The following PMVK variants were observed in gnomAD, a reference collection of about 807,000 sequenced individuals.
PMVK encodes the protein testis tissue sperm-binding protein Li 95mP.
PMVK carries 10 observed loss-of-function variants against 19.0 expected under a neutral mutation model. That is an observed-to-expected ratio of 0.53 (90% CI 0.32 to 0.89). The LOEUF is 0.89. Ranked by LOEUF, PMVK falls within the 40% of genes least tolerant of loss-of-function variation. The pLI is 0.03. For synonymous variants in PMVK, 108 were observed against 101.6 expected, an observed-to-expected ratio of 1.06 and a Z score of -0.38; for missense variants, 222 against 251.1, an observed-to-expected ratio of 0.88 and a Z score of 0.78.
intron 1 of PMVK, 78 bp from the exon 2 acceptor site, chr1:154,932,493 G>T: frequency 1.0e-6 from 1 of 986,912 alleles, no homozygotes; most frequent in Non-Finnish European, 1.5e-6. Flanking sequence ...GAGTCAAGAG[G>T]CCTGTGTTGA....
upstream of PMVK, chr1:154,936,838 C>T (rs1174217845): frequency 4.6e-6 from 3 of 647,022 alleles, no homozygotes. Context: ...GCTGACCGCC[C>T]GCGACCGTGC....
chr1:154,937,089 C>T (rs1177790819), upstream of PMVK: 1 of 185,208 alleles, frequency 5.4e-6, no homozygotes. Context: ...TGAGGTGAAC[C>T]CCATGTTCCC....
At chr1:154,933,540 C>G (rs1201228324) in intron 1 of PMVK, among the ~76,000 whole-genome samples, 7 of 133,508 alleles carry the variant, frequency 5.2e-5, no homozygotes, top group African/African-American at 2.1e-4. Context: ...ACCACCCAGG[C>G]TGGAGTGCAA....
upstream of PMVK, among the ~76,000 whole-genome samples, chr1:154,941,377 G>A (rs1654635758): frequency 6.6e-6 from 1 of 152,186 alleles, no homozygotes; most frequent in Non-Finnish European, 1.5e-5. Flanking sequence ...TTAACAAGGG[G>A]CTTCTGTGGC....
chr1:154,929,402 G>A (rs1654269672), intron 2 of PMVK, among the ~76,000 whole-genome samples: 1 of 152,186 alleles, frequency 6.6e-6, no homozygotes, highest in East Asian at 1.9e-4. Context: ...TCCAGAAATT[G>A]TTTCAATTTG....
At chr1:154,935,058 CAAAAAAAAAAAAAAAAAA>C (rs569402578) in intron 1 of PMVK, among the ~76,000 whole-genome samples, 1 of 22,264 alleles carries the variant, frequency 4.5e-5, no homozygotes, top group Non-Finnish European at 1.3e-4. Context: ...GACTCCGTCT[CAAAAAAAAAAAAAAAAAA>C]AAAAAAAAAA....
At chr1:154,927,476 A>AC (rs1558029549) in intron 3 of PMVK, among the ~76,000 whole-genome samples, 12 of 143,914 alleles carry the variant, frequency 8.3e-5, no homozygotes, top group African/African-American at 3.3e-4. Flanking sequence ...AAAAAAAAAA[A>AC]CACAGGAAAG....
intron 3 of PMVK, among the ~76,000 whole-genome samples, chr1:154,927,341 G>A (rs923355147): frequency 1.3e-5 from 2 of 151,462 alleles, no homozygotes; most frequent in Admixed American, 6.6e-5. Flanking sequence ...CCAGCTACTC[G>A]GGAGGCTGAT....
At chr1:154,939,662 G>T (rs1393638367), upstream of PMVK, among the ~76,000 whole-genome samples, 1 of 147,080 alleles carries the variant, frequency 6.8e-6, no homozygotes, top group East Asian at 2.0e-4. Context: ...CAGAGATCAC[G>T]CCACTGCACT....
intron 3 of PMVK, among the ~76,000 whole-genome samples, chr1:154,928,253 C>T (rs1654229366): frequency 6.6e-6 from 1 of 152,304 alleles, no homozygotes; most frequent in South Asian, 2.1e-4. Context: ...GGTGGAAGGG[C>T]ATGTGCAAAG....
intron 1 of PMVK, among the ~76,000 whole-genome samples, chr1:154,933,732 T>C (rs902460656): frequency 1.7e-4 from 26 of 151,796 alleles, no homozygotes; most frequent in Non-Finnish European, 3.4e-4. Context: ...GATCTCGTGA[T>C]CCGCCCGCCT....
intron 2 of PMVK, among the ~76,000 whole-genome samples, chr1:154,930,852 T>C (rs1654313151): frequency 6.6e-6 from 1 of 152,148 alleles, no homozygotes; most frequent in Admixed American, 6.5e-5. Flanking sequence ...TGGGAGGCCA[T>C]AGTGGGAGGA....
chr1:154,940,777 A>G (rs1311094141), upstream of PMVK, among the ~76,000 whole-genome samples: 3 of 152,192 alleles, frequency 2.0e-5, no homozygotes, highest in African/African-American at 7.2e-5. Context: ...CATCTAGCAC[A>G]GTATTGAGAC....
chr1:154,934,396 A>G (rs896423337), intron 1 of PMVK, among the ~76,000 whole-genome samples: 1 of 152,094 alleles, frequency 6.6e-6, no homozygotes, highest in Non-Finnish European at 1.5e-5. Context: ...AGCTCACTAC[A>G]ATCTTGAACT....
upstream of PMVK, chr1:154,937,877 C>T (rs981130041): frequency 6.6e-6 from 1 of 151,698 alleles, no homozygotes; most frequent in Non-Finnish European, 1.5e-5. Context: ...ACCCAGAAAA[C>T]ACTGCACTCA....
chr1:154,929,593 T>C (rs1466277867), intron 2 of PMVK, among the ~76,000 whole-genome samples: 5 of 152,084 alleles, frequency 3.3e-5, no homozygotes, highest in African/African-American at 4.8e-5. Flanking sequence ...TAGCATTGTT[T>C]GCCCCCATCC....
the PMVK span, among the ~76,000 whole-genome samples, chr1:154,942,428 C>T: frequency 6.6e-6 from 1 of 152,220 alleles, no homozygotes; most frequent in Non-Finnish European, 1.5e-5. Context: ...ACCCTGGGCT[C>T]CTCCTCACCA....
At chr1:154,931,848 A>T (rs1040879077) in intron 2 of PMVK, among the ~76,000 whole-genome samples, 1 of 150,276 alleles carries the variant, frequency 6.7e-6, no homozygotes, top group Admixed American at 6.6e-5. Context: ...TGTTTACTTT[A>T]AAAAAAATTT....
intron 2 of PMVK, among the ~76,000 whole-genome samples, chr1:154,929,905 C>T (rs955977568): frequency 1.9e-4 from 29 of 152,190 alleles, no homozygotes; most frequent in African/African-American, 6.0e-4. Flanking sequence ...CTTCTCCCCT[C>T]AGGCTCTCAA....
Sources: allele counts gnomAD v4.1 joint callset (sites outside exome capture counted in the v4.1 genomes callset), GRCh38; gene constraint gnomAD v4.1.1; transcripts MANE v1.5; gene names NCBI Gene and HGNC (gene_info 2026-07-23, HGNC 2026-07-21).